The following PCDH9 variants were observed in gnomAD, a reference collection of about 807,000 sequenced individuals.
PCDH9 encodes the protein protocadherin-9.
In PCDH9, 24 loss-of-function variants were observed where a neutral mutation model predicts 70.6. The observed-to-expected ratio is 0.34, with a 90% CI of 0.25 to 0.48. PCDH9 has a LOEUF of 0.48. Among genes scored for constraint, PCDH9 ranks in the 20% least tolerant of loss-of-function variants. The pLI is 0.99. For synonymous variants in PCDH9, 562 were observed against 558.5 expected (o/e 1.01, Z -0.09); for missense variants, 1,281 against 1,503.6 (o/e 0.85, Z 2.45).
At chr13:66,400,854 G>A (rs995514340) in intron 4 of PCDH9, among the ~76,000 whole-genome samples, 1 of 152,138 alleles carries the variant, frequency 6.6e-6, no homozygotes, top group Admixed American at 6.6e-5. Context: ...TGGATTCCAA[G>A]ACTCTTCAGT....
intron 4 of PCDH9, among the ~76,000 whole-genome samples, chr13:66,456,270 T>C: frequency 6.6e-6 from 1 of 152,176 alleles, no homozygotes; most frequent in East Asian, 1.9e-4. Context: ...TTTTTCTTTT[T>C]AGAGGCTGGG....
At chr13:66,510,254 T>C (rs867969152) in intron 4 of PCDH9, among the ~76,000 whole-genome samples, 1 of 152,088 alleles carries the variant, frequency 6.6e-6, no homozygotes, top group Non-Finnish European at 1.5e-5. Flanking sequence ...GGTTTAAAAC[T>C]GAATGAATTA....
At chr13:67,051,536 G>A (rs1180667708) in intron 2 of PCDH9, among the ~76,000 whole-genome samples, 1 of 151,724 alleles carries the variant, frequency 6.6e-6, no homozygotes, top group East Asian at 1.9e-4. Flanking sequence ...GGGATTACAG[G>A]TGCGTGCCAC....
chr13:66,631,548 G>C, intron 3 of PCDH9, 137 bp from the exon 4 acceptor site: 1 of 598,340 alleles, frequency 1.7e-6, no homozygotes, highest in Non-Finnish European at 3.0e-6. Flanking sequence ...ACAAAGCTAA[G>C]AACAAGTATT....
At chr13:66,501,184 T>C (rs576412100) in intron 4 of PCDH9, among the ~76,000 whole-genome samples, 2 of 152,030 alleles carry the variant, frequency 1.3e-5, no homozygotes, top group South Asian at 4.1e-4. Context: ...TCCTTATGAG[T>C]ATGTCATTTG....
At position 66,685,885 on chromosome 13, in the gene PCDH9, A is replaced by T. The variant is rs191939943; in HGVS notation, c.3139-54474T>A. On this transcript the variant is annotated intron_variant, in intron 3 of 4. Transcript: ENST00000377865. ...CCAGTTTATCCCATGTGGAAGGGGTATACCAAATGCCTGTGCCTTCATTGT... is the reference window on the plus strand; with the variant it reads ...CCAGTTTATCCCATGTGGAAGGGGTTTACCAAATGCCTGTGCCTTCATTGT... 2.0e-5 allele frequency among the ~76,000 whole-genome samples: 3 copies of T among 152,264 alleles called. No individual in the cohort carries two copies. In the East Asian group the frequency reaches 5.8e-4, roughly 29 times the overall value.
intron 2 of PCDH9, among the ~76,000 whole-genome samples, chr13:67,085,170 T>C (rs965682252): frequency 2.6e-5 from 4 of 151,456 alleles, no homozygotes; most frequent in Non-Finnish European, 5.9e-5. Context: ...ATTTATTCTA[T>C]GAATGAATCT....
At chr13:66,444,075 T>C (rs1958024865) in intron 4 of PCDH9, among the ~76,000 whole-genome samples, 1 of 152,160 alleles carries the variant, frequency 6.6e-6, no homozygotes. Flanking sequence ...TCCTATAATC[T>C]GTTAATATCT....
intron 4 of PCDH9, among the ~76,000 whole-genome samples, chr13:66,478,172 G>C (rs1387591607): frequency 6.6e-6 from 1 of 152,124 alleles, no homozygotes; most frequent in Non-Finnish European, 1.5e-5. Flanking sequence ...ACTGTTGTCA[G>C]AATTTTGGAG....
chr13:66,594,919 C>A (rs564194812), intron 4 of PCDH9, among the ~76,000 whole-genome samples: 103 of 149,162 alleles, frequency 6.9e-4, no homozygotes, highest in African/African-American at 2.4e-3. Flanking sequence ...ATTAAAATGA[C>A]AAATAAGAGG....
chr13:66,331,188 T>C (rs1955935490), intron 4 of PCDH9, among the ~76,000 whole-genome samples: 1 of 152,126 alleles, frequency 6.6e-6, no homozygotes, highest in South Asian at 2.1e-4. Context: ...TATTCAGTTA[T>C]TTAAAACAAG....
At chr13:67,161,636 G>A (rs2087963300) in intron 2 of PCDH9, among the ~76,000 whole-genome samples, 1 of 152,124 alleles carries the variant, frequency 6.6e-6, no homozygotes, top group South Asian at 2.1e-4. Flanking sequence ...TTTGTGGCAG[G>A]GAACTGTTGA....
chr13:67,038,265 T>C (rs902301240), intron 2 of PCDH9, among the ~76,000 whole-genome samples: 3 of 152,166 alleles, frequency 2.0e-5, no homozygotes, highest in Admixed American at 6.6e-5. Context: ...TGGATCCCAG[T>C]ATAAGAAATC....
At chr13:66,971,993 G>A (rs1228930497) in intron 2 of PCDH9, among the ~76,000 whole-genome samples, 1 of 151,792 alleles carries the variant, frequency 6.6e-6, no homozygotes, top group Non-Finnish European at 1.5e-5. Flanking sequence ...TATTATAAAT[G>A]TTGGTTTAGG....
chr13:66,779,201 C>G (rs1278867871), intron 3 of PCDH9, among the ~76,000 whole-genome samples: 3 of 150,490 alleles, frequency 2.0e-5, no homozygotes, highest in Non-Finnish European at 3.0e-5. Context: ...TTTAACATTT[C>G]CATTCTCCTT....
At chr13:66,414,262 T>C (rs1957424937) in intron 4 of PCDH9, among the ~76,000 whole-genome samples, 1 of 152,206 alleles carries the variant, frequency 6.6e-6, no homozygotes, top group Admixed American at 6.5e-5. Flanking sequence ...ATGGGTTTGG[T>C]TTTCTACAAA....
Position 66,789,950 on chromosome 13 carries a change from T to C in PCDH9, c.3138+113554A>G, listed in dbSNP as rs1015007252. The stretch of plus-strand genomic sequence containing the variant: ...AGTAAGGCTGGAGTCTAGTTACCAA[T>C]ATTGTTGTCAACCAAGATTATTTCT... On this transcript the variant is annotated intron_variant, in intron 3 of 4. Transcript: ENST00000377865. Among the ~76,000 whole-genome samples the C allele has an allele frequency of 2.0e-5, 3 of 152,114 alleles. 1 individual carries two copies. In the South Asian group the frequency reaches 6.2e-4, roughly 31 times the overall value.
At chr13:67,149,965 A>G (rs2087616590) in intron 2 of PCDH9, among the ~76,000 whole-genome samples, 1 of 152,222 alleles carries the variant, frequency 6.6e-6, no homozygotes. Flanking sequence ...TTTCAAAAAT[A>G]AAAGTCTTTT....
chr13:66,564,641 T>C (rs1483609371), intron 4 of PCDH9, among the ~76,000 whole-genome samples: 1 of 139,450 alleles, frequency 7.2e-6, no homozygotes, highest in East Asian at 2.1e-4. Context: ...ACCACGATTT[T>C]TCCCCCTTTC....
Sources: gnomAD v4.1 joint callset for allele counts (sites outside exome capture counted in the v4.1 genomes callset) on GRCh38, gnomAD v4.1.1 for gene constraint, MANE v1.5 for transcripts, NCBI Gene and HGNC (gene_info 2026-07-23, HGNC 2026-07-21) for gene names.